Variants in EYS observed in about 807,000 individuals in gnomAD.
EYS encodes protein eyes shut homolog.
A neutral mutation model predicts 282.1 loss-of-function variants in EYS; 250 were observed. The observed-to-expected ratio is 0.89, with a 90% confidence interval of 0.80 to 0.98. EYS has a LOEUF of 0.98. Ranked by LOEUF, EYS falls within the 50% of genes least tolerant of loss-of-function variation. The pLI, the probability that EYS is intolerant of heterozygous loss-of-function variation, is 0.00. For synonymous variants in EYS, 1,355 were observed against 1,282.9 expected (o/e 1.06, Z -1.20); for missense variants, 4,016 against 3,709.0 (o/e 1.08, Z -2.15).
chr6:65,452,919 A>G (rs1489666936), intron 5 of EYS, among the ~76,000 whole-genome samples: 1 of 152,064 alleles, frequency 6.6e-6, no homozygotes, highest in Admixed American at 6.6e-5. Flanking sequence ...GAGAAATCCA[A>G]AAGAAGACTT....
chr6:65,065,137 C>T (rs1392270381), intron 12 of EYS, among the ~76,000 whole-genome samples: 1 of 152,020 alleles, frequency 6.6e-6, no homozygotes, highest in Non-Finnish European at 1.5e-5. Flanking sequence ...TGATGGAGAA[C>T]ATGAGTTTAT....
chr6:65,382,471 G>GTC lies in EYS; in HGVS notation c.1299+1914_1299+1915insGA, dbSNP rs760836064. ...TCTCCTTTCCTCTGTGTGTGTGTGT[G>GTC]TGTGTGTGTGTGTGTGTGTGTGTGT... On this transcript the variant is annotated intron_variant, in intron 8 of 42. Coordinates refer to ENST00000503581, the MANE Select transcript of EYS (RefSeq NM_001142800.2). 5.0e-3 allele frequency among the ~76,000 whole-genome samples: 741 copies of GTC among 149,236 alleles called. 5 individuals are homozygous for GTC. The highest frequency in any genetic ancestry group is 0.015 in the African/African-American group (596 of 40,596).
chr6:64,630,789 G>A (rs1767753973), intron 22 of EYS, among the ~76,000 whole-genome samples: 1 of 152,118 alleles, frequency 6.6e-6, no homozygotes, highest in African/African-American at 2.4e-5. Flanking sequence ...TAGCTTGAAT[G>A]GAGGAAAGAT....
chr6:64,931,480 T>A (rs1215602852), intron 15 of EYS, among the ~76,000 whole-genome samples: 4 of 152,050 alleles, frequency 2.6e-5, no homozygotes, highest in Non-Finnish European at 5.9e-5. Context: ...TTCAAAATTA[T>A]AAAGAGATGA....
intron 31 of EYS, among the ~76,000 whole-genome samples, chr6:64,154,529 T>G (rs1384312934): frequency 6.6e-6 from 1 of 151,134 alleles, no homozygotes; most frequent in African/African-American, 2.4e-5. Flanking sequence ...AAAGTAAATA[T>G]AGCAAAATTT....
At chr6:63,770,476 A>T in intron 40 of EYS, among the ~76,000 whole-genome samples, 1 of 152,130 alleles carries the variant, frequency 6.6e-6, no homozygotes, top group East Asian at 1.9e-4. Flanking sequence ...ATGTGGTGTG[A>T]TGATAAAGTC....
intron 31 of EYS, among the ~76,000 whole-genome samples, chr6:64,225,423 A>T (rs946467498): frequency 6.6e-6 from 1 of 152,014 alleles, no homozygotes; most frequent in Admixed American, 6.6e-5. Context: ...TACAGAGATT[A>T]TCCTGGATTA....
intron 33 of EYS, among the ~76,000 whole-genome samples, chr6:64,024,095 G>A (rs989375142): frequency 1.4e-4 from 22 of 152,294 alleles, no homozygotes; most frequent in Admixed American, 1.1e-3. Context: ...CAGTCCCATC[G>A]ACCACCCAAG....
intron 12 of EYS, among the ~76,000 whole-genome samples, chr6:65,290,978 T>G (rs1169467143): frequency 1.3e-5 from 2 of 151,430 alleles, no homozygotes; most frequent in African/African-American, 4.8e-5. Flanking sequence ...TATTGTACTT[T>G]GTCTTAGAAA....
At chr6:64,337,701 C>T (rs115788669) in intron 29 of EYS, among the ~76,000 whole-genome samples, 2,278 of 152,066 alleles carry the variant, frequency 0.015, 16 homozygotes, top group East Asian at 0.033. Context: ...GACCAATATC[C>T]CTGACGAATA....
At chr6:65,145,703 T>C (rs552476165) in intron 12 of EYS, among the ~76,000 whole-genome samples, 23 of 152,170 alleles carry the variant, frequency 1.5e-4, no homozygotes, top group Non-Finnish European at 3.1e-4. Context: ...TATTCAGTAA[T>C]ACACAGTTTG....
chr6:64,312,383 G>A (rs1769750852), intron 29 of EYS, among the ~76,000 whole-genome samples: 1 of 152,156 alleles, frequency 6.6e-6, no homozygotes, highest in East Asian at 1.9e-4. Context: ...GCCCCAGTCA[G>A]GGACTTATAG....
At position 65,425,844 on chromosome 6, in the gene EYS, G is replaced by A. The variant is rs146989713; in HGVS notation, c.863-20477C>T. Among the ~76,000 whole-genome samples, 1,379 of 152,122 alleles carry A rather than the reference G, an allele frequency of 9.1e-3. 25 individuals are homozygous for A. The highest frequency in any genetic ancestry group is 0.031 in the African/African-American group (1,306 of 41,528). On this transcript the variant is annotated intron_variant, in intron 5 of 42. Coordinates refer to ENST00000503581, the MANE Select transcript of EYS (RefSeq NM_001142800.2). Reference sequence around the variant, plus strand: ...GAGCACTTTATGGCTTTATGATGACGAATTTTTTCTCTCTAGAAGTGATGG... The same window carrying A: ...GAGCACTTTATGGCTTTATGATGACAAATTTTTTCTCTCTAGAAGTGATGG...
chr6:65,216,082 C>T (rs796300451), intron 12 of EYS, among the ~76,000 whole-genome samples: 13 of 152,158 alleles, frequency 8.5e-5, no homozygotes, highest in African/African-American at 3.1e-4. Flanking sequence ...CAAAGATGTA[C>T]TTACATATAA....
At chr6:64,649,685 G>C (rs1768487528) in intron 22 of EYS, among the ~76,000 whole-genome samples, 1 of 152,022 alleles carries the variant, frequency 6.6e-6, no homozygotes, top group African/African-American at 2.4e-5. Flanking sequence ...ATTTTTGTTT[G>C]CTTTGTTTTC....
intron 30 of EYS, among the ~76,000 whole-genome samples, chr6:64,233,102 A>G (rs1214875706): frequency 6.6e-6 from 1 of 152,216 alleles, no homozygotes; most frequent in Admixed American, 6.5e-5. Flanking sequence ...AAATGCCACT[A>G]CTTCTTTCTC....
intron 26 of EYS, among the ~76,000 whole-genome samples, chr6:64,564,638 T>C (rs1765506630): frequency 6.6e-6 from 1 of 151,978 alleles, no homozygotes; most frequent in South Asian, 2.1e-4. Context: ...GTTTGTTACA[T>C]AGGTATACAT....
At chr6:65,292,967 A>G (rs2150284292) in intron 12 of EYS, among the ~76,000 whole-genome samples, 2 of 151,838 alleles carry the variant, frequency 1.3e-5, no homozygotes, top group South Asian at 4.1e-4. Context: ...TTAGGATAGC[A>G]GCCTCATGGA....
intron 22 of EYS, among the ~76,000 whole-genome samples, chr6:64,758,309 A>C (rs1041614126): frequency 2.0e-5 from 3 of 152,146 alleles, no homozygotes; most frequent in African/African-American, 7.2e-5. Context: ...GACTAATACA[A>C]CTTGATTACA....
Sources: gnomAD v4.1 joint callset for allele counts (sites outside exome capture counted in the v4.1 genomes callset) on GRCh38, gnomAD v4.1.1 for gene constraint, MANE v1.5 for transcripts, NCBI Gene and HGNC (gene_info 2026-07-23, HGNC 2026-07-21) for gene names.